TAOK3: variants seen among roughly 807,000 people sequenced by gnomAD.
TAOK3 encodes the protein serine/threonine-protein kinase TAO3.
Under a neutral mutation model 120.4 loss-of-function variants are expected in TAOK3, and 40 were observed. That is an observed-to-expected ratio of 0.33 (90% CI 0.26 to 0.43). The LOEUF (loss-of-function observed/expected upper bound fraction) is 0.43. TAOK3 is among the 20% of genes least tolerant of loss of function. The pLI is 1.00. For missense variants in TAOK3, 821 were observed against 1,112.1 expected (o/e 0.74, Z 3.72); for synonymous variants, 355 against 387.5 (o/e 0.92, Z 0.99).
rs553081479 is a variant in TAOK3, at chr12:118,322,593, A to G, written c.-194+50055T>C. On this transcript the variant is annotated intron_variant, in intron 1 of 20. Transcript: ENST00000392533. ...GAGCAGCCATAGGTAATAATAATAA[A>G]TGAGCGTGTGTTCCAATAAAACGTT... 6.5e-4 allele frequency among the ~76,000 whole-genome samples: 99 copies of G among 152,156 alleles called. No individual in the cohort carries two copies. In the South Asian group the frequency reaches 0.01, roughly 16 times the overall value.
chr12:118,214,746 CTTT>C lies in TAOK3; in HGVS notation c.644-639_644-637del, dbSNP rs138948268. ...TCGTGCATGGCTAATTTCTTTCTTT[CTTT>C]TTTTTTTTTTTTTGAGATGGAGTTT... On this transcript the variant is annotated intron_variant, in intron 9 of 20. Transcript: ENST00000392533. Among the ~76,000 whole-genome samples, 395 of 133,810 alleles carry C rather than the reference CTTT, an allele frequency of 3.0e-3. 1 individual carries two copies. Among genetic ancestry groups the C allele is most frequent in the African/African-American group, 6.0e-3 (215 of 35,674 alleles). The allele number at this position is 133,810 out of a possible 152,430, so 87.8% of individuals were successfully genotyped here.
At position 118,217,864 on chromosome 12, in the gene TAOK3, C is replaced by CA. The variant is rs1565964064; in HGVS notation, c.644-3755_644-3754insT. ...ATATATATATATATATATATATACACTTTTTTTTTTTTTTTGAGACGGAGT... is the reference window on the plus strand; with the variant it reads ...ATATATATATATATATATATATACACATTTTTTTTTTTTTTTGAGACGGAGT... On this transcript the variant is annotated intron_variant, in intron 9 of 20. Transcript: ENST00000392533. Among the ~76,000 whole-genome samples the CA allele has an allele frequency of 7.4e-3, 303 of 40,672 alleles. 2 individuals are homozygous for CA. The highest frequency in any genetic ancestry group is 0.012 in the Non-Finnish European group (273 of 22,952). The allele number at this position is 40,672 out of a possible 152,430, so 26.7% of individuals were successfully genotyped here. A position where few individuals can be genotyped will look rare whatever the true frequency, so the allele number is the denominator to read the frequency against.
intron 1 of TAOK3, among the ~76,000 whole-genome samples, chr12:118,356,836 C>A (rs1260426451): frequency 2.6e-5 from 4 of 152,154 alleles, no homozygotes; most frequent in Non-Finnish European, 4.4e-5. Context: ...GCAGGAGGAT[C>A]ACTTGAGCTC....
chr12:118,172,657 T>C lies in TAOK3; in HGVS notation c.1699A>G (p.Met567Val), dbSNP rs1216634962. The C allele has an allele frequency of 1.2e-6, 2 of 1,613,956 alleles. No homozygotes were observed. Among genetic ancestry groups the C allele is most frequent in the African/African-American group, 1.3e-5 (1 of 74,926 alleles). ...TTGGGTGTGCTATGGTCCTCATTCA[T>C]TTCCTAAAAAGAACAGACAAAAACC... ...KICKEKIKEE[M>V]NEDHSTPKKE... is the part of the protein sequence containing the mutation. The change falls in exon 17 of 21, where the codon ATG becomes GTG. Residue 567 changes from methionine to valine, a missense_variant. Around this residue, in one of 2 missense-constraint regions of TAOK3, gnomAD observed 354 missense variants for 572.1 expected, o/e 0.62. Transcript: ENST00000392533.
At chr12:118,226,745 T>C (rs1263770870) in intron 9 of TAOK3, among the ~76,000 whole-genome samples, 4 of 152,142 alleles carry the variant, frequency 2.6e-5, no homozygotes, top group Non-Finnish European at 4.4e-5. Flanking sequence ...GTTCAGTAAA[T>C]CATTTTATAA....
At chr12:118,252,057 G>A (rs1244509828) in intron 3 of TAOK3, among the ~76,000 whole-genome samples, 3 of 152,002 alleles carry the variant, frequency 2.0e-5, no homozygotes, top group Admixed American at 6.6e-5. Flanking sequence ...TCCTGACCTC[G>A]TGATCCACCC....
At chr12:118,274,914 G>T (rs1486583628) in intron 1 of TAOK3, among the ~76,000 whole-genome samples, 3 of 151,488 alleles carry the variant, frequency 2.0e-5, no homozygotes, top group Non-Finnish European at 4.4e-5. Flanking sequence ...CAGCAACACT[G>T]AATATCTTTG....
Position 118,306,118 on chromosome 12 carries a change from C to T in TAOK3, c.-193-39359G>A, listed in dbSNP as rs146850328. On this transcript the variant is annotated intron_variant, in intron 1 of 20. Transcript: ENST00000392533. ...GAGTAATTTATTTTCTCTTAAAGCT[C>T]GACCACTGCTGGTTTTTGTTTTTTA... Among the ~76,000 whole-genome samples the T allele has an allele frequency of 5.9e-3, 901 of 152,090 alleles. 3 individuals are homozygous for T. Among genetic ancestry groups the T allele is most frequent in the Non-Finnish European group, 9.6e-3 (654 of 67,990 alleles).
At chr12:118,239,389 C>T (rs191054175) in intron 5 of TAOK3, 117 bp from the exon 6 acceptor site, 9 of 604,500 alleles carry the variant, frequency 1.5e-5, no homozygotes, top group Admixed American at 7.0e-5. Flanking sequence ...TTCTGATCTA[C>T]CCGAACTTGG....
intron 3 of TAOK3, among the ~76,000 whole-genome samples, chr12:118,253,751 CAAACAAAAAA>C (rs1566018831): frequency 5.7e-5 from 1 of 17,438 alleles, no homozygotes; most frequent in Non-Finnish European, 1.0e-4. Flanking sequence ...AACAAACAAA[CAAACAAAAAA>C]AAAAAAACAG....
intron 1 of TAOK3, among the ~76,000 whole-genome samples, chr12:118,288,966 A>C (rs1187423884): frequency 6.6e-6 from 1 of 150,936 alleles, no homozygotes. Flanking sequence ...TAGCATGCTT[A>C]GGAACTATTT....
chr12:118,337,520 CTTT>C, intron 1 of TAOK3, among the ~76,000 whole-genome samples: 1 of 152,174 alleles, frequency 6.6e-6, no homozygotes, highest in Non-Finnish European at 1.5e-5. Flanking sequence ...CCCAGATATT[CTTT>C]AATGGATAAA....
intron 9 of TAOK3, among the ~76,000 whole-genome samples, chr12:118,225,306 A>G (rs1296917772): frequency 6.6e-6 from 1 of 150,748 alleles, no homozygotes; most frequent in African/African-American, 2.4e-5. Flanking sequence ...ATTAACAGTT[A>G]GAATTTCATT....
chr12:118,201,271 G>A (rs1381789398), intron 12 of TAOK3, 25 bp downstream of exon 12: 2 of 1,601,448 alleles, frequency 1.2e-6, no homozygotes, highest in Non-Finnish European at 1.7e-6. Flanking sequence ...TTCTATAAGT[G>A]CCTGCTAAAA....
intron 19 of TAOK3, among the ~76,000 whole-genome samples, chr12:118,155,711 G>A (rs1489049081): frequency 6.6e-6 from 1 of 152,052 alleles, no homozygotes; most frequent in Non-Finnish European, 1.5e-5. Context: ...TCATTGACCT[G>A]TATTTCTGAT....
intron 2 of TAOK3, chr12:118,256,084 C>CA (rs201439729): frequency 3.9e-3 from 480 of 122,506 alleles, no homozygotes; most frequent in Middle Eastern, 0.016. Context: ...AACTCTGTCT[C>CA]AAAAAAAAAA....
At chr12:118,240,104 G>C (rs2139944049) in intron 5 of TAOK3, among the ~76,000 whole-genome samples, 1 of 152,232 alleles carries the variant, frequency 6.6e-6, no homozygotes, top group South Asian at 2.1e-4. Flanking sequence ...AGAGGTGGAG[G>C]CTATCGATAG....
intron 6 of TAOK3, among the ~76,000 whole-genome samples, chr12:118,238,406 T>C (rs2040108141): frequency 6.6e-6 from 1 of 152,200 alleles, no homozygotes; most frequent in African/African-American, 2.4e-5. Context: ...ATTCCTTAAA[T>C]GATGCATTGT....
In TAOK3 at chr12:118,151,114, T is replaced by G; in HGVS notation, c.2580A>C (p.Arg860Ser). The change falls in exon 21 of 21, where the codon AGA (arginine) becomes AGC (serine). Residue 860 changes from arginine to serine, a missense_variant. Arg to Ser is a moderately radical substitution (Grantham distance 110). Coordinates refer to ENST00000392533, the MANE Select transcript of TAOK3 (RefSeq NM_016281.4). ...LAALQKERSE[R>S]IKNLLERQER... Reference sequence around the variant, plus strand: ...CTTGCCTTTCCAATAGGTTCTTTATTCTCTCGCTGCGTTCCTTCTGAAGGG... The same window carrying G: ...CTTGCCTTTCCAATAGGTTCTTTATGCTCTCGCTGCGTTCCTTCTGAAGGG... 1 of 1,613,988 alleles carries G rather than the reference T, an allele frequency of 6.2e-7. No homozygotes were observed. The highest frequency in any genetic ancestry group is 8.5e-7 in the Non-Finnish European group (1 of 1,180,034).
Sources: allele counts gnomAD v4.1 joint callset (sites outside exome capture counted in the v4.1 genomes callset), GRCh38; gene constraint gnomAD v4.1.1; regional missense constraint gnomAD v4.1.1; transcripts MANE v1.5; gene names NCBI Gene and HGNC (gene_info 2026-07-23, HGNC 2026-07-21).